Variants in SGCZ observed in about 807,000 individuals in gnomAD.
SGCZ encodes zeta-sarcoglycan.
In SGCZ, 40 loss-of-function variants were observed where a neutral mutation model predicts 41.3. The ratio of observed to expected loss-of-function variants is 0.97; its 90% CI spans 0.75 to 1.26. SGCZ has a LOEUF of 1.26. Ranked by LOEUF, SGCZ falls within the 50% of genes most tolerant of loss-of-function variation. The pLI is 0.00. For missense variants in SGCZ, 552 were observed against 369.8 expected (o/e 1.49, Z -4.04); for synonymous variants, 206 against 137.5 (o/e 1.50, Z -3.49).
At chr8:15,048,165 C>A (rs963305002) in intron 1 of SGCZ, among the ~76,000 whole-genome samples, 3 of 151,918 alleles carry the variant, frequency 2.0e-5, no homozygotes, top group Non-Finnish European at 4.4e-5. Context: ...GAATGAAAAC[C>A]TGTCATTTGC....
chr8:14,669,818 T>G (rs913047939), intron 1 of SGCZ, among the ~76,000 whole-genome samples: 2 of 152,026 alleles, frequency 1.3e-5, no homozygotes, highest in African/African-American at 4.8e-5. Context: ...AGTGCAGATA[T>G]CTCATCGAGA....
At chr8:14,221,123 CTACA>C (rs1806178963) in intron 4 of SGCZ, among the ~76,000 whole-genome samples, 1 of 152,154 alleles carries the variant, frequency 6.6e-6, no homozygotes, top group African/African-American at 2.4e-5. Flanking sequence ...TAAATCACTC[CTACA>C]TATTCAAAAT....
At chr8:14,892,141 C>T (rs1385128368) in intron 1 of SGCZ, among the ~76,000 whole-genome samples, 1 of 152,160 alleles carries the variant, frequency 6.6e-6, no homozygotes, top group East Asian at 1.9e-4. Context: ...TACATTATGG[C>T]TTCCATACAA....
At chr8:14,535,613 T>A (rs1394984094) in intron 2 of SGCZ, among the ~76,000 whole-genome samples, 2 of 151,952 alleles carry the variant, frequency 1.3e-5, no homozygotes, top group Non-Finnish European at 2.9e-5. Context: ...TTCATAACTT[T>A]TATGAAAAGG....
intron 1 of SGCZ, among the ~76,000 whole-genome samples, chr8:15,201,706 G>A (rs534161865): frequency 1.4e-3 from 206 of 152,186 alleles, no homozygotes; most frequent in African/African-American, 4.8e-3. Flanking sequence ...TTACACAACT[G>A]GAAAGAAGCA....
At chr8:14,520,321 T>C (rs1220238390) in intron 2 of SGCZ, among the ~76,000 whole-genome samples, 1 of 152,158 alleles carries the variant, frequency 6.6e-6, no homozygotes, top group Non-Finnish European at 1.5e-5. Flanking sequence ...TTTTTGTTCC[T>C]GGAAGCAGCT....
At chr8:14,234,126 C>T (rs183158336) in intron 4 of SGCZ, among the ~76,000 whole-genome samples, 1 of 152,008 alleles carries the variant, frequency 6.6e-6, no homozygotes, top group Non-Finnish European at 1.5e-5. Context: ...CAGAAAATAT[C>T]TGTCAAATTG....
intron 1 of SGCZ, among the ~76,000 whole-genome samples, chr8:14,752,079 A>C (rs1431076828): frequency 6.7e-6 from 1 of 150,120 alleles, no homozygotes; most frequent in South Asian, 2.1e-4. Flanking sequence ...TGAGAAAACT[A>C]TTTAGCAACA....
At chr8:14,984,383 TATG>T (rs1384231910) in intron 1 of SGCZ, among the ~76,000 whole-genome samples, 3 of 152,182 alleles carry the variant, frequency 2.0e-5, no homozygotes, top group African/African-American at 7.2e-5. Flanking sequence ...CTGATTGTCT[TATG>T]ATATTTTAAA....
intron 2 of SGCZ, among the ~76,000 whole-genome samples, chr8:14,406,590 G>C (rs922496140): frequency 7.2e-5 from 11 of 151,968 alleles, no homozygotes; most frequent in African/African-American, 2.7e-4. Flanking sequence ...GCCCAGGTGG[G>C]GCTCGGGCAC....
intron 1 of SGCZ, among the ~76,000 whole-genome samples, chr8:14,869,602 G>C (rs1804068929): frequency 1.3e-5 from 2 of 152,184 alleles, no homozygotes; most frequent in Non-Finnish European, 2.9e-5. Context: ...AATCAGGCAA[G>C]AGAAAGAAAT....
Position 14,777,865 on chromosome 8 carries a change from T to A in SGCZ, c.40-222939A>T, listed in dbSNP as rs183327432. Reference sequence around the variant, plus strand: ...GATATACAGAAGTTATTTGTACATATCTTACACCTTTTCTTATGTTTGAAA... The same window carrying A: ...GATATACAGAAGTTATTTGTACATAACTTACACCTTTTCTTATGTTTGAAA... On this transcript the variant is annotated intron_variant, in intron 1 of 7. Coordinates refer to ENST00000382080, the MANE Select transcript of SGCZ (RefSeq NM_139167.4). 1.7e-4 allele frequency among the ~76,000 whole-genome samples: 25 copies of A among 150,324 alleles called. No individual in the cohort carries two copies. The East Asian group carries it at 4.3e-3, about 26-fold the overall frequency.
At chr8:14,225,878 T>C (rs1253416146) in intron 4 of SGCZ, among the ~76,000 whole-genome samples, 1 of 152,120 alleles carries the variant, frequency 6.6e-6, no homozygotes, top group Non-Finnish European at 1.5e-5. Context: ...ATGAGAATCT[T>C]TGCGACCGAC....
intron 1 of SGCZ, among the ~76,000 whole-genome samples, chr8:14,668,148 G>T (rs1028899003): frequency 6.6e-6 from 1 of 151,946 alleles, no homozygotes; most frequent in African/African-American, 2.4e-5. Context: ...TAGTAGAGAC[G>T]GGGGATTCAC....
intron 1 of SGCZ, among the ~76,000 whole-genome samples, chr8:14,921,116 G>A (rs566580397): frequency 6.6e-6 from 1 of 152,282 alleles, no homozygotes; most frequent in Admixed American, 6.5e-5. Flanking sequence ...CAGTGGAGTG[G>A]TTGAGGACTG....
chr8:14,698,750 T>C (rs1477192046), intron 1 of SGCZ, among the ~76,000 whole-genome samples: 3 of 151,920 alleles, frequency 2.0e-5, no homozygotes, highest in African/African-American at 7.2e-5. Flanking sequence ...ACTAAGCCAG[T>C]AGACACTAAT....
intron 3 of SGCZ, among the ~76,000 whole-genome samples, chr8:14,260,342 A>C (rs1263025490): frequency 6.6e-6 from 1 of 150,666 alleles, no homozygotes. Context: ...AAACACATGA[A>C]ACAATGCTCA....
At chr8:14,198,662 T>C (rs1805356377) in intron 4 of SGCZ, among the ~76,000 whole-genome samples, 1 of 152,076 alleles carries the variant, frequency 6.6e-6, no homozygotes, top group South Asian at 2.1e-4. Flanking sequence ...TGTTATAAAA[T>C]TGTGCTGCTA....
intron 2 of SGCZ, among the ~76,000 whole-genome samples, chr8:14,527,679 A>C (rs1802996062): frequency 6.6e-6 from 1 of 152,128 alleles, no homozygotes; most frequent in African/African-American, 2.4e-5. Context: ...ATTAAACCAA[A>C]AAATTCAGTT....
Sources: gnomAD v4.1 joint callset for allele counts (sites outside exome capture counted in the v4.1 genomes callset) on GRCh38, gnomAD v4.1.1 for gene constraint, MANE v1.5 for transcripts, NCBI Gene and HGNC (gene_info 2026-07-23, HGNC 2026-07-21) for gene names.